The following PDE7B variants were observed in gnomAD, a reference collection of about 807,000 sequenced individuals.
PDE7B encodes phosphodiesterase 7B, also known as 3',5'-cyclic-AMP phosphodiesterase 7B.
Under a neutral mutation model 56.2 loss-of-function variants are expected in PDE7B, and 29 were observed. The observed-to-expected ratio is 0.52, with a 90% CI of 0.38 to 0.70. The LOEUF (loss-of-function observed/expected upper bound fraction) is 0.70. Among genes scored for constraint, PDE7B ranks in the 30% least tolerant of loss-of-function variants. The pLI is 0.00. For missense variants in PDE7B, 490 were observed against 565.0 expected (o/e 0.87, Z 1.35); for synonymous variants, 197 against 196.9 (o/e 1.00, Z 0.00).
chr6:136,195,051 A>G lies in PDE7B; in HGVS notation c.*3211A>G, dbSNP rs538106623. 2.0e-5 allele frequency: 3 copies of G among 152,176 alleles called. No homozygotes were observed. Among genetic ancestry groups the G allele is most frequent in the Non-Finnish European group, 4.4e-5 (3 of 68,028 alleles). The allele number at this position is 152,176 out of a possible 1,614,324, so 9.4% of individuals were successfully genotyped here. A position where few individuals can be genotyped will look rare whatever the true frequency, so the allele number is the denominator to read the frequency against. On this transcript the variant is annotated 3_prime_UTR_variant, in exon 13 of 13. Transcript: ENST00000308191. ...TCAAAGGACTGTGTGTAGTAAGCTGACGGTAAAGTTAAGATTAAATTAAGA... is the reference window on the plus strand; with the variant it reads ...TCAAAGGACTGTGTGTAGTAAGCTGGCGGTAAAGTTAAGATTAAATTAAGA...
chr6:135,973,815 T>C (rs1189245384), intron 2 of PDE7B, among the ~76,000 whole-genome samples: 2 of 152,200 alleles, frequency 1.3e-5, no homozygotes, highest in Admixed American at 1.3e-4. Flanking sequence ...CTGTAATAAA[T>C]TATGTTTTGT....
At chr6:136,032,521 C>G (rs928151847) in intron 2 of PDE7B, among the ~76,000 whole-genome samples, 4 of 152,164 alleles carry the variant, frequency 2.6e-5, no homozygotes, top group African/African-American at 9.7e-5. Context: ...CCTTAAGAAC[C>G]TTGCTACCAT....
chr6:135,922,423 C>T (rs1056442490), intron 1 of PDE7B, among the ~76,000 whole-genome samples: 5 of 152,132 alleles, frequency 3.3e-5, no homozygotes, highest in African/African-American at 1.2e-4. Flanking sequence ...GGGTGAGTCA[C>T]TCTCTTATTC....
intron 2 of PDE7B, among the ~76,000 whole-genome samples, chr6:136,102,275 G>T (rs1380385782): frequency 6.6e-6 from 1 of 152,072 alleles, no homozygotes; most frequent in African/African-American, 2.4e-5. Context: ...GTAGGGGGTG[G>T]GTGGGGGTTT....
intron 2 of PDE7B, among the ~76,000 whole-genome samples, chr6:135,980,665 C>CA (rs1350491354): frequency 2.0e-5 from 3 of 151,474 alleles, no homozygotes; most frequent in Admixed American, 1.3e-4. Flanking sequence ...TTTATGCAGC[C>CA]AAAAAACACA....
At chr6:136,076,600 C>T (rs945909077) in intron 2 of PDE7B, among the ~76,000 whole-genome samples, 3 of 152,096 alleles carry the variant, frequency 2.0e-5, no homozygotes, top group African/African-American at 4.8e-5. Context: ...AGAATTGGTT[C>T]GAAGTCTTTA....
chr6:136,172,095 C>A (rs1033997291), intron 8 of PDE7B, among the ~76,000 whole-genome samples: 4 of 152,124 alleles, frequency 2.6e-5, no homozygotes, highest in Non-Finnish European at 4.4e-5. Flanking sequence ...CTGCTATAAA[C>A]ATACGTGTGC....
chr6:135,998,257 T>C (rs1044783684), intron 2 of PDE7B, among the ~76,000 whole-genome samples: 1 of 152,188 alleles, frequency 6.6e-6, no homozygotes, highest in African/African-American at 2.4e-5. Flanking sequence ...TGCCACCAGT[T>C]GGAATTCAGT....
chr6:136,011,879 C>G (rs1775900494), intron 2 of PDE7B, among the ~76,000 whole-genome samples: 1 of 152,014 alleles, frequency 6.6e-6, no homozygotes, highest in Non-Finnish European at 1.5e-5. Context: ...GATTTGGGGA[C>G]TTGGAGTTCT....
In PDE7B at chr6:135,994,200, G is replaced by A. The variant is rs534279092; in HGVS notation, c.82+46676G>A. Reference sequence around the variant, plus strand: ...ATTAAGAAGGGAGGTGGGAAGGAGAGGACATTGGCCTAATTACCACTGAGA... The same window carrying A: ...ATTAAGAAGGGAGGTGGGAAGGAGAAGACATTGGCCTAATTACCACTGAGA... On this transcript the variant is annotated intron_variant, in intron 2 of 12. Coordinates refer to ENST00000308191, the MANE Select transcript of PDE7B (RefSeq NM_018945.4). 2.0e-5 allele frequency among the ~76,000 whole-genome samples: 3 copies of A among 151,350 alleles called. No homozygotes were observed. The East Asian group carries it at 5.9e-4, about 30-fold the overall frequency.
At chr6:136,065,119 G>A (rs1293485064) in intron 2 of PDE7B, among the ~76,000 whole-genome samples, 1 of 152,136 alleles carries the variant, frequency 6.6e-6, no homozygotes, top group Non-Finnish European at 1.5e-5. Context: ...GGACTAGCAG[G>A]ACTTGACAGC....
intron 1 of PDE7B, among the ~76,000 whole-genome samples, chr6:135,940,154 G>A (rs1043099049): frequency 6.6e-6 from 1 of 152,104 alleles, no homozygotes; most frequent in African/African-American, 2.4e-5. Flanking sequence ...ATCCTTGGCA[G>A]CTGCTTTCAA....
chr6:136,173,966 C>A, intron 9 of PDE7B, 78 bp downstream of exon 9: 1 of 1,006,774 alleles, frequency 9.9e-7, no homozygotes, highest in South Asian at 1.3e-5. Flanking sequence ...GGCTTGGGAC[C>A]TTTTGCGTGA....
At chr6:135,906,649 G>C (rs1776110353) in intron 1 of PDE7B, among the ~76,000 whole-genome samples, 1 of 152,070 alleles carries the variant, frequency 6.6e-6, no homozygotes, top group Non-Finnish European at 1.5e-5. Flanking sequence ...AAGTAAGAGA[G>C]ACTTGAAGTT....
At chr6:136,148,717 C>T (rs565764920) in intron 4 of PDE7B, among the ~76,000 whole-genome samples, 1 of 152,114 alleles carries the variant, frequency 6.6e-6, no homozygotes, top group Non-Finnish European at 1.5e-5. Context: ...TGTCTCTCCT[C>T]TAAGCAGCCA....
At chr6:135,939,772 G>T (rs1291354553) in intron 1 of PDE7B, among the ~76,000 whole-genome samples, 2 of 152,116 alleles carry the variant, frequency 1.3e-5, no homozygotes, top group East Asian at 3.9e-4. Context: ...GGTGGCTGGG[G>T]GGATTCTTTT....
At chr6:136,020,088 A>T (rs769638376) in intron 2 of PDE7B, among the ~76,000 whole-genome samples, 1 of 152,176 alleles carries the variant, frequency 6.6e-6, no homozygotes, top group Non-Finnish European at 1.5e-5. Context: ...TAACAATATC[A>T]CTTCACTGAG....
intron 1 of PDE7B, among the ~76,000 whole-genome samples, chr6:135,865,005 T>C (rs1027073700): frequency 6.9e-6 from 1 of 145,914 alleles, no homozygotes; most frequent in Non-Finnish European, 1.5e-5. Context: ...GTGTTCTCAT[T>C]GTTCAATTCC....
At chr6:136,140,371 T>A (rs1306922962) in intron 3 of PDE7B, among the ~76,000 whole-genome samples, 1 of 152,320 alleles carries the variant, frequency 6.6e-6, no homozygotes, top group South Asian at 2.1e-4. Context: ...TTGGTTACTG[T>A]AGCCTTGCAG....
Sources: allele counts gnomAD v4.1 joint callset (sites outside exome capture counted in the v4.1 genomes callset), GRCh38; gene constraint gnomAD v4.1.1; transcripts MANE v1.5; gene names NCBI Gene and HGNC (gene_info 2026-07-23, HGNC 2026-07-21).